The following ATP7A variants were observed in gnomAD, a reference collection of about 807,000 sequenced individuals.
ATP7A encodes the protein ATPase copper transporting alpha.
ATP7A carries 7 observed loss-of-function variants against 83.5 expected under a neutral mutation model. The ratio of observed to expected loss-of-function variants is 0.08; its 90% CI spans 0.05 to 0.16. The LOEUF is 0.16. Ranked by LOEUF, ATP7A falls within the 10% of genes least tolerant of loss-of-function variation. The pLI, the probability that ATP7A is intolerant of heterozygous loss-of-function variation, is 1.00. For synonymous variants in ATP7A, 354 were observed against 395.2 expected, an observed-to-expected ratio of 0.90 and a Z score of 1.24; for missense variants, 940 against 1,120.8, an observed-to-expected ratio of 0.84 and a Z score of 2.30.
chrX:77,926,612 T>C (rs1419358356), intron 1 of ATP7A, among the ~76,000 whole-genome samples: 1 of 112,268 alleles, frequency 8.9e-6, no homozygotes, highest in East Asian at 2.8e-4. Flanking sequence ...ATTATAGGCA[T>C]GAGCCACCAC....
intron 4 of ATP7A, among the ~76,000 whole-genome samples, chrX:77,997,872 T>C (rs1557232707): frequency 9.0e-6 from 1 of 110,650 alleles, no homozygotes; most frequent in African/African-American, 3.3e-5. Context: ...TATATATGTA[T>C]GTTAAAAATT....
At chrX:78,008,192 A>G (rs2077791079) in intron 6 of ATP7A, among the ~76,000 whole-genome samples, 1 of 111,887 alleles carries the variant, frequency 8.9e-6, no homozygotes, top group Non-Finnish European at 1.9e-5. Context: ...TTACTGCACC[A>G]TTTGCACTGA....
intron 2 of ATP7A, chrX:77,975,381 C>T (rs1433603884): frequency 1.8e-5 from 2 of 109,311 alleles, no homozygotes; most frequent in African/African-American, 6.7e-5. Context: ...CAACTTGTAT[C>T]TCAGGATCCA....
chrX:77,960,179 G>A (rs1315092872), intron 1 of ATP7A, among the ~76,000 whole-genome samples: 2 of 111,932 alleles, frequency 1.8e-5, no homozygotes, highest in African/African-American at 6.5e-5. Context: ...TCAGGAGTTC[G>A]AGATCAGCCT....
chrX:77,993,404 A>G (rs1179239822), intron 4 of ATP7A, among the ~76,000 whole-genome samples: 1 of 112,097 alleles, frequency 8.9e-6, no homozygotes, highest in Non-Finnish European at 1.9e-5. Context: ...ATCAAATTCT[A>G]CATTTTAATT....
At chrX:77,955,859 T>G (rs782640301) in intron 1 of ATP7A, among the ~76,000 whole-genome samples, 2 of 109,559 alleles carry the variant, frequency 1.8e-5, no homozygotes, top group South Asian at 8.0e-4. Context: ...TTTTTTTTTT[T>G]TTTTGAAATT....
chrX:77,953,033 C>T (rs782234843), intron 1 of ATP7A, among the ~76,000 whole-genome samples: 4 of 111,442 alleles, frequency 3.6e-5, no homozygotes, highest in Non-Finnish European at 1.9e-5. Context: ...CCGCCCATCT[C>T]GACCTCCCAA....
rs181911190 is a variant in ATP7A, at chrX:77,933,043, C to T, written c.-22+22208C>T. Among the ~76,000 whole-genome samples, 4 of 111,999 alleles carry T rather than the reference C, an allele frequency of 3.6e-5. No homozygotes were observed. The East Asian group carries it at 1.1e-3, about 31-fold the overall frequency. On this transcript the variant is annotated intron_variant, in intron 1 of 22. Transcript: ENST00000341514. Reference sequence around the variant, plus strand: ...ATGTTTATTAGGTGCCTACTCTGTGCAAGTACTGCTCAAGCTGCTGGAATG... The same window carrying T: ...ATGTTTATTAGGTGCCTACTCTGTGTAAGTACTGCTCAAGCTGCTGGAATG...
At chrX:78,002,957 A>C in intron 5 of ATP7A, 116 bp from the exon 6 acceptor site, 1 of 798,203 alleles carries the variant, frequency 1.3e-6, no homozygotes. Context: ...CCAGATTCAA[A>C]TCCTTTAATA....
intron 1 of ATP7A, among the ~76,000 whole-genome samples, chrX:77,926,940 T>G (rs1467198469): frequency 9.0e-6 from 1 of 111,367 alleles, no homozygotes; most frequent in Non-Finnish European, 1.9e-5. Flanking sequence ...TGACCTCAAG[T>G]GATCCTCCTG....
chrX:77,915,684 TAATC>T (rs1484736246), intron 1 of ATP7A, among the ~76,000 whole-genome samples: 4 of 112,068 alleles, frequency 3.6e-5, no homozygotes, highest in African/African-American at 6.5e-5. Context: ...ATCAATATAC[TAATC>T]AATCAATACT....
chrX:77,982,540 A>G (rs2077610677), intron 2 of ATP7A, among the ~76,000 whole-genome samples: 1 of 112,591 alleles, frequency 8.9e-6, no homozygotes, highest in Non-Finnish European at 1.9e-5. Flanking sequence ...CTAGCATGGG[A>G]GAATATGTGA....
intron 1 of ATP7A, chrX:77,963,662 C>T (rs1458114663): frequency 2.7e-5 from 3 of 111,098 alleles, no homozygotes; most frequent in African/African-American, 9.8e-5. Context: ...TGCAGTGGTG[C>T]GATCTTGGCT....
chrX:77,924,047 A>G (rs2077229583), intron 1 of ATP7A: 1 of 111,555 alleles, frequency 9.0e-6, no homozygotes, highest in African/African-American at 3.3e-5. Flanking sequence ...TGGGGTGGGA[A>G]ATAACTCCCT....
At chrX:77,988,139 A>G (rs1253874493) in intron 2 of ATP7A, 103 bp from the exon 3 acceptor site, 1 of 907,274 alleles carries the variant, frequency 1.1e-6, no homozygotes, top group Non-Finnish European at 1.5e-6. Flanking sequence ...ACTCCATTAG[A>G]TTGAGTTGTC....
At chrX:78,030,421 C>CAA (rs36079776) in intron 15 of ATP7A, among the ~76,000 whole-genome samples, 10 of 84,305 alleles carry the variant, frequency 1.2e-4, no homozygotes, top group Non-Finnish European at 1.9e-4. Flanking sequence ...GACTCCATCT[C>CAA]AAAAAAAAAA....
rs181045251 is a variant in ATP7A at position 77,935,917 on chromosome X, C to T, written c.-22+25082C>T. 4.4e-3 allele frequency among the ~76,000 whole-genome samples: 493 copies of T among 112,507 alleles called. 6 individuals carry two copies. The highest frequency in any genetic ancestry group is 0.014 in the Admixed American group (149 of 10,588). The stretch of plus-strand genomic sequence containing the variant: ...AATAATTTTTAGTTTTTTAAAACTT[C>T]TAAATTTCTCAAAACAAAAGCTGAG... On this transcript the variant is annotated intron_variant, in intron 1 of 22. Transcript: ENST00000341514.
rs2077997142 is a variant in ATP7A, at chrX:78,033,854, G to A, written c.3511+33G>A. On this transcript the variant is annotated intron_variant, in intron 17 of 22. Transcript: ENST00000341514. ...AATTTTCTTTGTAGTACCAATTATG[G>A]GGCAGTTATGAACAGATGGCTAACT... The A allele has an allele frequency of 2.6e-6, 3 of 1,149,316 alleles. No individual in the cohort carries two copies. The African/African-American group carries it at 5.3e-5, about 20-fold the overall frequency. 94.7% of individuals were successfully genotyped at this position (1,149,316 alleles called of 1,213,427 possible). A position where few individuals can be genotyped will look rare whatever the true frequency, so the allele number is the denominator to read the frequency against.
intron 12 of ATP7A, among the ~76,000 whole-genome samples, chrX:78,017,535 T>A (rs1386131228): frequency 8.9e-6 from 1 of 111,948 alleles, no homozygotes; most frequent in Non-Finnish European, 1.9e-5. Context: ...GGCTGTGAAT[T>A]TTCCAAGCCT....
Sources: gnomAD v4.1 joint callset for allele counts (sites outside exome capture counted in the v4.1 genomes callset) on GRCh38, gnomAD v4.1.1 for gene constraint, MANE v1.5 for transcripts, NCBI Gene and HGNC (gene_info 2026-07-23, HGNC 2026-07-21) for gene names.